Variants in TREH observed in about 807,000 individuals in gnomAD.
The protein encoded by TREH is trehalase.
TREH carries 69 observed loss-of-function variants against 80.5 expected under a neutral mutation model. That is an observed-to-expected ratio of 0.86 (90% CI 0.71 to 1.05). The LOEUF (loss-of-function observed/expected upper bound fraction) is 1.05. Ranked by LOEUF, TREH falls within the 50% of genes least tolerant of loss-of-function variation. TREH has a pLI of 0.00. For synonymous variants in TREH, 309 were observed against 293.5 expected (o/e 1.05, Z -0.54); for missense variants, 716 against 718.8 (o/e 1.00, Z 0.04).
intron 1 of TREH, among the ~76,000 whole-genome samples, chr11:118,675,684 A>G (rs115045740): frequency 1.2e-4 from 18 of 152,236 alleles, no homozygotes; most frequent in African/African-American, 3.4e-4. Context: ...TTCACCAACC[A>G]GGACTTGGTA....
rs148528477 is a variant in TREH, at chr11:118,664,770, G to C, written c.90-1331C>G. Among the ~76,000 whole-genome samples, 77 of 152,282 alleles carry C rather than the reference G, an allele frequency of 5.1e-4. 2 individuals are homozygous for C. The East Asian group carries it at 0.011, about 23-fold the overall frequency. On this transcript the variant is annotated intron_variant, in intron 1 of 14. Transcript: ENST00000264029. ...TCGAAACATTTGCTGTCTACAGTGG[G>C]GGAGGGAGATAAAAGCATGAAGGGG...
At chr11:118,666,675 A>G (rs1277559014) in intron 1 of TREH, among the ~76,000 whole-genome samples, 7 of 152,158 alleles carry the variant, frequency 4.6e-5, no homozygotes, top group Non-Finnish European at 1.5e-5. Context: ...GGATTGTGTG[A>G]TTTACAACTC....
intron 1 of TREH, among the ~76,000 whole-genome samples, chr11:118,664,036 T>G (rs1388339115): frequency 6.6e-6 from 1 of 152,168 alleles, no homozygotes; most frequent in Non-Finnish European, 1.5e-5. Context: ...CCAGAAGAGT[T>G]CCTGAATAAA....
At chr11:118,665,509 G>A (rs1366920907) in intron 1 of TREH, among the ~76,000 whole-genome samples, 5 of 151,958 alleles carry the variant, frequency 3.3e-5, no homozygotes, top group Non-Finnish European at 5.9e-5. Flanking sequence ...GCATGGTGGC[G>A]GGTGCCTGTA....
chr11:118,663,149 T>C lies in TREH; in HGVS notation c.238A>G (p.Ser80Gly), dbSNP rs1443131761. 2 of 1,613,672 alleles carry C rather than the reference T, an allele frequency of 1.2e-6. No individual in the cohort carries two copies. The highest frequency in any genetic ancestry group is 4.5e-5 in the East Asian group (2 of 44,884). The change falls in exon 3 of 15, where the codon AGC (serine) becomes GGC (glycine). Residue 80 changes from serine (S) to glycine (G), a missense_variant. Physicochemically the swap from Ser to Gly is moderately conservative, Grantham distance 56 (BLOSUM62 0). Transcript: ENST00000264029. ...GCCTGCAGCTGCTCCCTGGGGATGC[T>C]GTGATTGTGGTCCCTGGACAGCTCA... ...FTELSRDHNHSIPREQLQAFV... is the reference protein window; with the variant it reads ...FTELSRDHNHGIPREQLQAFV...
At chr11:118,663,548 G>T in intron 1 of TREH, 109 bp from the exon 2 acceptor site, 1 of 879,322 alleles carries the variant, frequency 1.1e-6, no homozygotes, top group African/African-American at 1.7e-5. Flanking sequence ...CCCTGGGACT[G>T]GACAAGGGCT....
At chr11:118,669,481 G>A (rs1949411331) in intron 1 of TREH, among the ~76,000 whole-genome samples, 2 of 152,096 alleles carry the variant, frequency 1.3e-5, no homozygotes, top group African/African-American at 2.4e-5. Flanking sequence ...AAGAAAATGT[G>A]GTACATATCC....
intron 1 of TREH, among the ~76,000 whole-genome samples, chr11:118,666,518 T>C (rs1451134051): frequency 1.3e-5 from 2 of 152,234 alleles, no homozygotes; most frequent in African/African-American, 4.8e-5. Context: ...TCATGTGATA[T>C]GATGATGAGC....
chr11:118,673,324 T>C lies in TREH; in HGVS notation c.89+6215A>G, dbSNP rs575217877. On this transcript the variant is annotated intron_variant, in intron 1 of 14. Coordinates refer to ENST00000264029, the MANE Select transcript of TREH (RefSeq NM_007180.3). ...CATGCAAAGCCCAGTCCAGAATCAG[T>C]GTCTACTCTTGTCAGGACCCAGGTA... Among the ~76,000 whole-genome samples the C allele has an allele frequency of 2.6e-5, 4 of 152,346 alleles. No homozygotes were observed. The South Asian group carries it at 8.3e-4, about 32-fold the overall frequency.
intron 1 of TREH, among the ~76,000 whole-genome samples, chr11:118,671,666 G>C (rs1205390617): frequency 6.6e-6 from 1 of 152,116 alleles, no homozygotes; most frequent in Non-Finnish European, 1.5e-5. Context: ...CCCAAACCTA[G>C]AGAAAGACAT....
At chr11:118,667,798 T>G (rs1167688967) in intron 1 of TREH, among the ~76,000 whole-genome samples, 1 of 152,154 alleles carries the variant, frequency 6.6e-6, no homozygotes, top group African/African-American at 2.4e-5. Context: ...GGGAGATAAG[T>G]TCCCCCATCA....
chr11:118,663,028 C>G, intron 3 of TREH, 24 bp downstream of exon 3: 1 of 1,612,004 alleles, frequency 6.2e-7, no homozygotes, highest in Non-Finnish European at 8.5e-7. Flanking sequence ...GGAACCCTCT[C>G]TTGTTCCCCT....
intron 14 of TREH, 98 bp downstream of exon 14, chr11:118,658,582 C>A: frequency 6.6e-7 from 1 of 1,523,108 alleles, no homozygotes; most frequent in Middle Eastern, 1.8e-4. Flanking sequence ...CCCCCGGGCC[C>A]ACATGCAGGT....
Position 118,661,855 on chromosome 11 carries a change from G to A in TREH, c.524+35C>T, listed in dbSNP as rs1949326822. 1 of 1,568,844 alleles carries A rather than the reference G, an allele frequency of 6.4e-7. No individual in the cohort carries two copies. On this transcript the variant is annotated intron_variant, in intron 5 of 14. Transcript: ENST00000264029. This position sits in a 1 kb window ranked among gnomAD's most constrained non-coding sequence, Gnocchi z 4.2. Reference sequence around the variant, plus strand: ...GGGTTTCTCCACCACTGCCAGTCCTGCAGGCCCCTTGGTCTCTTGGGCCTG... The same window carrying A: ...GGGTTTCTCCACCACTGCCAGTCCTACAGGCCCCTTGGTCTCTTGGGCCTG...
In TREH at chr11:118,660,694, G is replaced by T. The variant is rs1565525093; in HGVS notation, c.947C>A (p.Ala316Asp). ...TGAAGAGAAGTCCCAGCCAGACTCA[G>T]CCCCAGCCTTGAGCTCAGCCCACAG... is the stretch of plus-strand genomic sequence containing the variant. ...EALWAELKAG[A>D]ESGWDFSSRW... Residue 316 changes from alanine to aspartate, a missense_variant, in exon 10 of 15, where the codon GCT (alanine) becomes GAT (aspartate). Ala to Asp is a moderately radical substitution (Grantham distance 126). Transcript: ENST00000264029. 1.2e-6 allele frequency: 2 copies of T among 1,600,302 alleles called. No individual in the cohort carries two copies. The highest frequency in any genetic ancestry group is 1.7e-6 in the Non-Finnish European group (2 of 1,173,532).
chr11:118,673,869 T>C (rs1555146566), intron 1 of TREH, among the ~76,000 whole-genome samples: 1 of 152,230 alleles, frequency 6.6e-6, no homozygotes, highest in African/African-American at 2.4e-5. Flanking sequence ...AATAGGCTGT[T>C]CATTCACCTT....
chr11:118,661,901 C>A lies in TREH; in HGVS notation c.513G>T (p.Glu171Asp), dbSNP rs374888663. The A allele has an allele frequency of 1.1e-5, 17 of 1,556,976 alleles. No individual in the cohort carries two copies. The African/African-American group carries it at 2.3e-4, about 21-fold the overall frequency. Residue 171 changes from glutamate to aspartate, a missense_variant, in exon 5 of 15, where the codon GAG becomes GAT. Glu to Asp is a conservative substitution (Grantham distance 45). Coordinates refer to ENST00000264029, the MANE Select transcript of TREH (RefSeq NM_007180.3). This position sits in a 1 kb window ranked among gnomAD's most constrained non-coding sequence, Gnocchi z 4.2. ...PFIVPGGRFV[E>D]FYYWDSYWVM... ...GCCTGGGCGCTCACCAGTAGTAGAA[C>A]TCAACAAAGCGACCGCCAGGCACAA...
Position 118,664,458 on chromosome 11 carries a change from A to T in TREH, c.90-1019T>A, listed in dbSNP as rs1949358447. On this transcript the variant is annotated intron_variant, in intron 1 of 14. Transcript: ENST00000264029. ...TGGGCAGTGAAAAACTGAACTATTA[A>T]AGTGTTGCCCACCTGGGGCATAACC... is the stretch of plus-strand genomic sequence containing the variant. 8.5e-5 allele frequency among the ~76,000 whole-genome samples: 13 copies of T among 152,356 alleles called. No homozygotes were observed. In the South Asian group the frequency reaches 2.5e-3, roughly 29 times the overall value.
chr11:118,661,055 C>T lies in TREH; in HGVS notation c.857+105G>A. On this transcript the variant is annotated intron_variant, in intron 8 of 14. Coordinates refer to ENST00000264029, the MANE Select transcript of TREH (RefSeq NM_007180.3). This position sits in a 1 kb window ranked among gnomAD's most constrained non-coding sequence, Gnocchi z 4.2. ...TGCAGAGGGCTCTCGGTGTCACCAT[C>T]TGAGAGGCCAGGCTAAGTCACTCCT... The T allele has an allele frequency of 6.3e-7, 1 of 1,576,882 alleles. No individual in the cohort carries two copies. The highest frequency in any genetic ancestry group is 8.6e-7 in the Non-Finnish European group (1 of 1,158,482).
Sources: allele counts gnomAD v4.1 joint callset (sites outside exome capture counted in the v4.1 genomes callset), GRCh38; gene constraint gnomAD v4.1.1; non-coding constraint Gnocchi (gnomAD v3.1); transcripts MANE v1.5; gene names NCBI Gene and HGNC (gene_info 2026-07-23, HGNC 2026-07-21).